CCDC192: variants seen among roughly 807,000 people sequenced by gnomAD.
The protein encoded by CCDC192 is coiled-coil domain-containing protein 192.
At chr5:127,718,401 T>C (rs1335630757) in intron 2 of CCDC192, among the ~76,000 whole-genome samples, 1 of 152,196 alleles carries the variant, frequency 6.6e-6, no homozygotes, top group Non-Finnish European at 1.5e-5. Flanking sequence ...TTTCATCAGA[T>C]ACCCATGACA....
intron 2 of CCDC192, among the ~76,000 whole-genome samples, chr5:127,708,904 A>G (rs1751123472): frequency 6.6e-6 from 1 of 152,094 alleles, no homozygotes; most frequent in Non-Finnish European, 1.5e-5. Context: ...CACTAGGTGT[A>G]GTAGTTCGTT....
chr5:127,918,015 GTCCCAGCTATTCA>G (rs1753576482), intron 6 of CCDC192, among the ~76,000 whole-genome samples: 1 of 151,962 alleles, frequency 6.6e-6, no homozygotes, highest in African/African-American at 2.4e-5. Context: ...GGCACCTGTA[GTCCCAGCTATTCA>G]GGAGGCTGAG....
At chr5:127,786,598 T>C in intron 3 of CCDC192, 1 of 735,488 alleles carries the variant, frequency 1.4e-6, no homozygotes, top group South Asian at 1.4e-5. Context: ...TTTCGTCCTT[T>C]GTCACATTCA....
intron 2 of CCDC192, among the ~76,000 whole-genome samples, chr5:127,728,521 T>A (rs924687783): frequency 4.6e-5 from 7 of 152,236 alleles, no homozygotes; most frequent in African/African-American, 1.4e-4. Flanking sequence ...CCACAAATCC[T>A]GCTTTGCAGG....
intron 6 of CCDC192, among the ~76,000 whole-genome samples, chr5:127,890,810 C>A (rs1040693935): frequency 6.6e-6 from 1 of 152,128 alleles, no homozygotes; most frequent in Admixed American, 6.6e-5. Context: ...ACTCATATTC[C>A]CTGTCTCCAT....
intron 5 of CCDC192, among the ~76,000 whole-genome samples, chr5:127,825,358 A>C (rs1389739428): frequency 6.6e-6 from 1 of 152,190 alleles, no homozygotes; most frequent in African/African-American, 2.4e-5. Context: ...ATATCTCCTC[A>C]TCAGTCATAA....
intron 6 of CCDC192, among the ~76,000 whole-genome samples, chr5:127,931,084 G>GAATTCTCAT (rs1754016423): frequency 6.6e-6 from 1 of 152,146 alleles, no homozygotes; most frequent in Non-Finnish European, 1.5e-5. Context: ...TCAGGAGTGG[G>GAATTCTCAT]GGATTCACTT....
chr5:127,786,042 C>A (rs1325296448), intron 3 of CCDC192: 2 of 639,212 alleles, frequency 3.1e-6, no homozygotes, highest in Non-Finnish European at 5.7e-6. Flanking sequence ...GCAGTTTTTT[C>A]AATTCTCCTA....
At chr5:127,776,384 T>C (rs527523019) in intron 3 of CCDC192, among the ~76,000 whole-genome samples, 1 of 152,296 alleles carries the variant, frequency 6.6e-6, no homozygotes, top group African/African-American at 2.4e-5. Flanking sequence ...GCAGAAGAAA[T>C]TTCTAAGCGG....
At chr5:127,742,869 G>A (rs778802826) in intron 2 of CCDC192, among the ~76,000 whole-genome samples, 1 of 152,086 alleles carries the variant, frequency 6.6e-6, no homozygotes, top group Non-Finnish European at 1.5e-5. Context: ...TCCTTTTGTT[G>A]CTGGTTGGCA....
intron 5 of CCDC192, among the ~76,000 whole-genome samples, chr5:127,807,280 G>A (rs1227942125): frequency 6.6e-6 from 1 of 152,122 alleles, no homozygotes; most frequent in African/African-American, 2.4e-5. Context: ...CATGTTAGCT[G>A]CCTATTTATT....
At chr5:127,868,290 T>C (rs1490523827) in intron 5 of CCDC192, among the ~76,000 whole-genome samples, 1 of 152,132 alleles carries the variant, frequency 6.6e-6, no homozygotes, top group Non-Finnish European at 1.5e-5. Context: ...AGCAGCATAA[T>C]ATGGGGTCAG....
chr5:127,731,614 T>A (rs750385223), intron 2 of CCDC192, among the ~76,000 whole-genome samples: 2 of 152,148 alleles, frequency 1.3e-5, no homozygotes, highest in Non-Finnish European at 2.9e-5. Flanking sequence ...GATTTTAAAC[T>A]ATACTACAAG....
rs551128234 is a variant in CCDC192, at chr5:127,881,887, C to T, written c.535+6226C>T. Among the ~76,000 whole-genome samples the T allele has an allele frequency of 1.0e-3, 159 of 152,300 alleles. 2 individuals carry two copies. Among genetic ancestry groups the T allele is most frequent in the African/African-American group, 3.6e-3 (149 of 41,568 alleles). ...TATTGTATCCCTTCAAAGCTTGAGT[C>T]CACCTTTTGGTACACTTCAGTATGC... On this transcript the variant is annotated intron_variant, in intron 6 of 6. Coordinates refer to ENST00000514853, the MANE Select transcript of CCDC192 (RefSeq NM_001317938.2).
In CCDC192 at chr5:127,719,568, C is replaced by CATATATAT. The variant is rs142203401; in HGVS notation, c.114+11814_114+11821dup. On this transcript the variant is annotated intron_variant, in intron 2 of 6. Coordinates refer to ENST00000514853, the MANE Select transcript of CCDC192 (RefSeq NM_001317938.2). ...ATATATATATATATATACACACATA[C>CATATATAT]ATATATATATATACCAAGCAGTGGG... Among the ~76,000 whole-genome samples the CATATATAT allele has an allele frequency of 3.7e-4, 7 of 19,038 alleles. 1 individual carries two copies. Among genetic ancestry groups the CATATATAT allele is most frequent in the South Asian group, 2.0e-3 (1 of 494 alleles). 12.5% of individuals were successfully genotyped at this position (19,038 alleles called of 152,430 possible).
chr5:127,804,585 A>G (rs185270113), intron 5 of CCDC192, among the ~76,000 whole-genome samples: 160 of 152,308 alleles, frequency 1.1e-3, no homozygotes, highest in African/African-American at 3.6e-3. Flanking sequence ...AAACCCTCCA[A>G]TAAATTCTCT....
intron 6 of CCDC192, among the ~76,000 whole-genome samples, chr5:127,930,399 C>T (rs1361554710): frequency 6.6e-6 from 1 of 152,178 alleles, no homozygotes; most frequent in East Asian, 1.9e-4. Context: ...CATGGACTCT[C>T]CCTCCTGGAA....
chr5:127,890,735 G>C (rs984053498), intron 6 of CCDC192, among the ~76,000 whole-genome samples: 4 of 152,122 alleles, frequency 2.6e-5, no homozygotes, highest in South Asian at 2.1e-4. Context: ...CTGACATTCA[G>C]GGCCCTCTAT....
intron 6 of CCDC192, among the ~76,000 whole-genome samples, chr5:127,878,313 T>G (rs993169803): frequency 6.6e-6 from 1 of 152,202 alleles, no homozygotes; most frequent in African/African-American, 2.4e-5. Context: ...TGGCCAGGGC[T>G]GAGGAAATAA....
Sources: allele counts gnomAD v4.1 joint callset (sites outside exome capture counted in the v4.1 genomes callset), GRCh38; gene constraint gnomAD v4.1.1; transcripts MANE v1.5; gene names NCBI Gene and HGNC (gene_info 2026-07-23, HGNC 2026-07-21).